The following EXOSC6 variants were observed in gnomAD, a reference collection of about 807,000 sequenced individuals.
The protein encoded by EXOSC6 is exosome complex component MTR3.
In EXOSC6, 21 loss-of-function variants were observed where a neutral mutation model predicts 16.7. That is an observed-to-expected ratio of 1.26 (90% CI 0.89 to 1.82). The LOEUF (loss-of-function observed/expected upper bound fraction) is 1.82, where lower values mean the gene tolerates loss of function less well. EXOSC6 is among the 40% of genes most tolerant of loss of function. The probability of loss-of-function intolerance (pLI) is 0.00; values close to 1 mark genes in which losing one functional copy is unlikely to be tolerated. For synonymous variants in EXOSC6, 297 were observed against 217.1 expected (o/e 1.37, Z -3.24); for missense variants, 538 against 415.7 (o/e 1.29, Z -2.56).
chr16:70,246,998 A>G lies in EXOSC6; in HGVS notation c.*4084T>C, dbSNP rs1959708336. ...GAAATGAGGAATTCACCCTAAAATT[A>G]GTGTGGAGAAAACAAGCAAATTAGG... On this transcript the variant is annotated 3_prime_UTR_variant, in exon 1 of 1. Transcript: ENST00000435634. 1.2e-5 allele frequency: 6 copies of G among 503,628 alleles called. No individual in the cohort carries two copies. The highest frequency in any genetic ancestry group is 1.1e-4 in the Admixed American group (5 of 46,262). The allele number at this position is 503,628 out of a possible 1,614,324, so 31.2% of individuals were successfully genotyped here. A position where few individuals can be genotyped will look rare whatever the true frequency, so the allele number is the denominator to read the frequency against.
Position 70,250,855 on chromosome 16 carries a change from A to T in EXOSC6, c.*227T>A. On this transcript the variant is annotated 3_prime_UTR_variant, in exon 1 of 1. Transcript: ENST00000435634. ...CCAGGTAATTTCAGGGTCCAGCTCC[A>T]CCACAAGCGCAGCTCCAGGGGCTGT... The T allele has an allele frequency of 2.2e-6, 1 of 463,810 alleles. No individual in the cohort carries two copies. Among genetic ancestry groups the T allele is most frequent in the Non-Finnish European group, 3.6e-6 (1 of 276,702 alleles). The allele number at this position is 463,810 out of a possible 1,614,324, so 28.7% of individuals were successfully genotyped here.
Position 70,247,969 on chromosome 16 carries a change from T to G in EXOSC6, c.*3113A>C, listed in dbSNP as rs762673192. The G allele has an allele frequency of 6.6e-6, 1 of 152,180 alleles. No individual in the cohort carries two copies. Among genetic ancestry groups the G allele is most frequent in the African/African-American group, 2.4e-5 (1 of 41,422 alleles). 9.4% of individuals were successfully genotyped at this position (152,180 alleles called of 1,614,324 possible). A position where few individuals can be genotyped will look rare whatever the true frequency, so the allele number is the denominator to read the frequency against. On this transcript the variant is annotated 3_prime_UTR_variant, in exon 1 of 1. Transcript: ENST00000435634. ...ACTCAGGAGGGTGAAGCATGAGAACTGCTTGAACCTGGGAGGCGGAGGTTG... is the reference window on the plus strand; with the variant it reads ...ACTCAGGAGGGTGAAGCATGAGAACGGCTTGAACCTGGGAGGCGGAGGTTG...
At position 70,251,627 on chromosome 16, in the gene EXOSC6, G is replaced by T. The variant is rs896304486; in HGVS notation, c.274C>A (p.Leu92Met). Residue 92 changes from leucine to methionine, a missense_variant, in exon 1 of 1, where the codon CTG becomes ATG. Transcript: ENST00000435634. ...AAGTCGCAGAGCAGGCGACCGCGCA[G>T]CGCGGCCGGGGCCTCGCCGCCTGCT... ...AGAGGEAPAA[L>M]RGRLLCDFRR... 1.8e-6 allele frequency: 2 copies of T among 1,083,786 alleles called. No individual in the cohort carries two copies. Among genetic ancestry groups the T allele is most frequent in the African/African-American group, 3.4e-5 (2 of 59,284 alleles). 67.1% of individuals were successfully genotyped at this position (1,083,786 alleles called of 1,614,324 possible). A position where few individuals can be genotyped will look rare whatever the true frequency, so the allele number is the denominator to read the frequency against.
Position 70,251,342 on chromosome 16 carries a change from G to A in EXOSC6, c.559C>T (p.Leu187Phe). The change falls in exon 1 of 1, where the codon CTC becomes TTC. Residue 187 changes from leucine (L) to phenylalanine (F), a missense_variant. By Grantham distance (22) the Leu-to-Phe change is conservative. Coordinates refer to ENST00000435634, the MANE Select transcript of EXOSC6 (RefSeq NM_058219.3). ...YDLVVGCGLS[L>F]APGPAPTWLL... The stretch of plus-strand genomic sequence containing the variant: ...CAGGTGGGCGCGGGCCCCGGCGCGA[G>A]GCTGAGGCCGCAGCCCACCACCAGG... The A allele has an allele frequency of 2.2e-6, 3 of 1,380,486 alleles. No homozygotes were observed. Among genetic ancestry groups the A allele is most frequent in the Non-Finnish European group, 2.8e-6 (3 of 1,073,250 alleles). 85.5% of individuals were successfully genotyped at this position (1,380,486 alleles called of 1,614,324 possible).
At position 70,250,864 on chromosome 16, in the gene EXOSC6, G is replaced by A. The variant is rs1959797954; in HGVS notation, c.*218C>T. 4.2e-6 allele frequency: 2 copies of A among 481,152 alleles called. No homozygotes were observed. Among genetic ancestry groups the A allele is most frequent in the Non-Finnish European group, 6.9e-6 (2 of 291,860 alleles). The allele number at this position is 481,152 out of a possible 1,614,324, so 29.8% of individuals were successfully genotyped here. A position where few individuals can be genotyped will look rare whatever the true frequency, so the allele number is the denominator to read the frequency against. ...TTCAGGGTCCAGCTCCACCACAAGC[G>A]CAGCTCCAGGGGCTGTTGAGTTTTG... On this transcript the variant is annotated 3_prime_UTR_variant, in exon 1 of 1. Transcript: ENST00000435634.
In EXOSC6 at chr16:70,251,697, G is replaced by C; in HGVS notation, c.204C>G (p.Gly68=). Reference sequence around the variant, plus strand: ...GCTCGCCGCCCTCGGCCTGTCGCGGGCCCGACACGGCACACAGCACCTTGG... The same window carrying C: ...GCTCGCCGCCCTCGGCCTGTCGCGGCCCCGACACGGCACACAGCACCTTGG... ...GGTKVLCAVS[G]PRQAEGGERG... The change falls in exon 1 of 1, where the codon GGC becomes GGG. Residue 68 remains glycine (G), a synonymous_variant. Coordinates refer to ENST00000435634, the MANE Select transcript of EXOSC6 (RefSeq NM_058219.3). 7.7e-7 allele frequency: 1 copy of C among 1,299,168 alleles called. No homozygotes were observed. The highest frequency in any genetic ancestry group is 9.7e-7 in the Non-Finnish European group (1 of 1,028,068). 80.5% of individuals were successfully genotyped at this position (1,299,168 alleles called of 1,614,324 possible).
Position 70,249,030 on chromosome 16 carries a change from A to C in EXOSC6, c.*2052T>G, listed in dbSNP as rs887955595. On this transcript the variant is annotated 3_prime_UTR_variant, in exon 1 of 1. Coordinates refer to ENST00000435634, the MANE Select transcript of EXOSC6 (RefSeq NM_058219.3). ...CAAAAACTGTAAAAAAAAAAAAAAA[A>C]AACCCTAATATCAGATATTCCAGAC... is the stretch of plus-strand genomic sequence containing the variant. 3.3e-5 allele frequency: 5 copies of C among 149,730 alleles called. No homozygotes were observed. Among genetic ancestry groups the C allele is most frequent in the Admixed American group, 6.6e-5 (1 of 15,082 alleles). 9.3% of individuals were successfully genotyped at this position (149,730 alleles called of 1,614,324 possible).
rs1415933460 is a variant in EXOSC6, at chr16:70,249,012, TG to T, written c.*2069del. ...ACCCAAAATAAAGCATATCAAAAAC[TG>T]TAAAAAAAAAAAAAAAAAACCCTAA... is the stretch of plus-strand genomic sequence containing the variant. On this transcript the variant is annotated 3_prime_UTR_variant, in exon 1 of 1. Coordinates refer to ENST00000435634, the MANE Select transcript of EXOSC6 (RefSeq NM_058219.3). The T allele has an allele frequency of 6.7e-4, 79 of 117,396 alleles. No homozygotes were observed. The East Asian group carries it at 0.018, about 27-fold the overall frequency. The allele number at this position is 117,396 out of a possible 1,614,324, so 7.3% of individuals were successfully genotyped here.
rs1421557703 is a variant in EXOSC6 at position 70,248,192 on chromosome 16, T to C, written c.*2890A>G. On this transcript the variant is annotated 3_prime_UTR_variant, in exon 1 of 1. Coordinates refer to ENST00000435634, the MANE Select transcript of EXOSC6 (RefSeq NM_058219.3). The stretch of plus-strand genomic sequence containing the variant: ...CAGAAATTTGAATATAGAACACATA[T>C]GTAATAAAATTCATTTTCTTAGGTA... 1 of 152,202 alleles carries C rather than the reference T, an allele frequency of 6.6e-6. No homozygotes were observed. The highest frequency in any genetic ancestry group is 2.4e-5 in the African/African-American group (1 of 41,456). The allele number at this position is 152,202 out of a possible 1,614,324, so 9.4% of individuals were successfully genotyped here.
At position 70,250,980 on chromosome 16, in the gene EXOSC6, C is replaced by A; in HGVS notation, c.*102G>T. The A allele has an allele frequency of 7.2e-7, 1 of 1,385,688 alleles. No homozygotes were observed. The highest frequency in any genetic ancestry group is 9.4e-7 in the Non-Finnish European group (1 of 1,065,704). 85.8% of individuals were successfully genotyped at this position (1,385,688 alleles called of 1,614,324 possible). ...AACCACAGTCATATCAGGGCCCTTC[C>A]AGGAATTCTCGACGCAAACTGGAGG... On this transcript the variant is annotated 3_prime_UTR_variant, in exon 1 of 1. Transcript: ENST00000435634.
rs895296969 is a variant in EXOSC6 at position 70,250,946 on chromosome 16, G to A, written c.*136C>T. ...ACCAAGTCCCACCATCTGGCAGTCAGGTCAGTCCAACCACAGTCATATCAG... is the reference window on the plus strand; with the variant it reads ...ACCAAGTCCCACCATCTGGCAGTCAAGTCAGTCCAACCACAGTCATATCAG... On this transcript the variant is annotated 3_prime_UTR_variant, in exon 1 of 1. Transcript: ENST00000435634. 7 of 1,156,852 alleles carry A rather than the reference G, an allele frequency of 6.1e-6. No homozygotes were observed. The highest frequency in any genetic ancestry group is 3.2e-4 in the Middle Eastern group (1 of 3,162). The allele number at this position is 1,156,852 out of a possible 1,614,324, so 71.7% of individuals were successfully genotyped here.
Position 70,251,583 on chromosome 16 carries a change from C to T in EXOSC6, c.318G>A (p.Ala106=). The change falls in exon 1 of 1, where the codon GCG becomes GCA. Residue 106 remains alanine (A), a synonymous_variant. Coordinates refer to ENST00000435634, the MANE Select transcript of EXOSC6 (RefSeq NM_058219.3). ...CCGGGGGAGCGCGGCGCCGGCGGCC[C>T]GCGAAGGGTGCGCGGCGGAAGTCGC... The part of the protein sequence containing the change: ...LLCDFRRAPF[A]GRRRRAPPGG... The T allele has an allele frequency of 1.8e-6, 2 of 1,091,042 alleles. No homozygotes were observed. Among genetic ancestry groups the T allele is most frequent in the East Asian group, 6.2e-5 (1 of 16,166 alleles). The allele number at this position is 1,091,042 out of a possible 1,614,324, so 67.6% of individuals were successfully genotyped here. A position where few individuals can be genotyped will look rare whatever the true frequency, so the allele number is the denominator to read the frequency against.
chr16:70,251,868 A>C lies in EXOSC6; in HGVS notation c.33T>G (p.Pro11=). Residue 11 remains proline, a synonymous_variant, in exon 1 of 1, where the codon CCT becomes CCG. Transcript: ENST00000435634. MPGDHRRIRG[P]EESQPPQLYA... is the part of the protein sequence containing the mutation. ...ACAGCTGCGGCGGCTGCGATTCTTC[A>C]GGGCCGCGGATGCGGCGGTGATCCC... is the stretch of plus-strand genomic sequence containing the variant. 2 of 1,550,794 alleles carry C rather than the reference A, an allele frequency of 1.3e-6. No individual in the cohort carries two copies. Among genetic ancestry groups the C allele is most frequent in the South Asian group, 1.2e-5 (1 of 86,734 alleles).
Position 70,251,020 on chromosome 16 carries a change from C to T in EXOSC6, c.*62G>A. ...CAAACTGGAGGCCGATGGCGCGGGT[C>T]TTTTCGTGGACGGCGGCAGCACGGT... On this transcript the variant is annotated 3_prime_UTR_variant, in exon 1 of 1. Transcript: ENST00000435634. The T allele has an allele frequency of 7.0e-7, 1 of 1,421,844 alleles. No individual in the cohort carries two copies. The highest frequency in any genetic ancestry group is 9.1e-7 in the Non-Finnish European group (1 of 1,093,834). The allele number at this position is 1,421,844 out of a possible 1,614,324, so 88.1% of individuals were successfully genotyped here.
rs772859029 is a variant in EXOSC6 at position 70,251,047 on chromosome 16, C to T, written c.*35G>A. ...TTTCGTGGACGGCGGCAGCACGGTC[C>T]TCGGCTTGCGTCCGTAGTTGCTCAG... On this transcript the variant is annotated 3_prime_UTR_variant, in exon 1 of 1. Coordinates refer to ENST00000435634, the MANE Select transcript of EXOSC6 (RefSeq NM_058219.3). 2 of 1,440,060 alleles carry T rather than the reference C, an allele frequency of 1.4e-6. No homozygotes were observed. The highest frequency in any genetic ancestry group is 1.8e-6 in the Non-Finnish European group (2 of 1,105,974). 89.2% of individuals were successfully genotyped at this position (1,440,060 alleles called of 1,614,324 possible).
rs570247550 is a variant in EXOSC6 at position 70,251,515 on chromosome 16, G to A, written c.386C>T (p.Ala129Val). ...ERELALALQEALEPAVRLGRY... is the reference protein window; with the variant it reads ...ERELALALQEVLEPAVRLGRY... ...GCCCAGGCGCACAGCCGGCTCCAGC[G>A]CCTCCTGCAGCGCCAGCGCCAGCTC... is the stretch of plus-strand genomic sequence containing the variant. Residue 129 changes from alanine to valine, a missense_variant, in exon 1 of 1, where the codon GCG (alanine) becomes GTG (valine). Physicochemically the swap from Ala to Val is moderately conservative, Grantham distance 64 (BLOSUM62 0). Transcript: ENST00000435634. 2 of 1,262,996 alleles carry A rather than the reference G, an allele frequency of 1.6e-6. No homozygotes were observed. Among genetic ancestry groups the A allele is most frequent in the Admixed American group, 3.7e-5 (1 of 27,328 alleles). 78.2% of individuals were successfully genotyped at this position (1,262,996 alleles called of 1,614,324 possible).
chr16:70,248,908 G>A lies in EXOSC6; in HGVS notation c.*2174C>T, dbSNP rs1959745505. 1 of 142,966 alleles carries A rather than the reference G, an allele frequency of 7.0e-6. No homozygotes were observed. Among genetic ancestry groups the A allele is most frequent in the Admixed American group, 7.3e-5 (1 of 13,646 alleles). The allele number at this position is 142,966 out of a possible 1,614,324, so 8.9% of individuals were successfully genotyped here. A position where few individuals can be genotyped will look rare whatever the true frequency, so the allele number is the denominator to read the frequency against. ...TGGGGTTACAGGAGTGAGCCACCATGCCCAGTTAAAAATACACTTTTTATT... is the reference window on the plus strand; with the variant it reads ...TGGGGTTACAGGAGTGAGCCACCATACCCAGTTAAAAATACACTTTTTATT... On this transcript the variant is annotated 3_prime_UTR_variant, in exon 1 of 1. Coordinates refer to ENST00000435634, the MANE Select transcript of EXOSC6 (RefSeq NM_058219.3).
rs1384599850 is a variant in EXOSC6 at position 70,249,457 on chromosome 16, T to C, written c.*1625A>G. Reference sequence around the variant, plus strand: ...TACACAAATATGAAATAAAACTAAGTAGAGCTGGTATTCATTTACACATAA... The same window carrying C: ...TACACAAATATGAAATAAAACTAAGCAGAGCTGGTATTCATTTACACATAA... On this transcript the variant is annotated 3_prime_UTR_variant, in exon 1 of 1. Transcript: ENST00000435634. 6.6e-6 allele frequency: 1 copy of C among 151,728 alleles called. No homozygotes were observed. Among genetic ancestry groups the C allele is most frequent in the Non-Finnish European group, 1.5e-5 (1 of 67,968 alleles). 9.4% of individuals were successfully genotyped at this position (151,728 alleles called of 1,614,324 possible).
Position 70,251,396 on chromosome 16 carries a change from G to A in EXOSC6, c.505C>T (p.Leu169=), listed in dbSNP as rs1253616708. ...AAALTAAALA[L]ADAGVEMYDL... ...TACATCTCCACGCCCGCGTCGGCCA[G>A]GGCGAGCGCGGCGGCGGTGAGCGCG... The change falls in exon 1 of 1, where the codon CTG becomes TTG. Residue 169 remains leucine (L), a synonymous_variant. Coordinates refer to ENST00000435634, the MANE Select transcript of EXOSC6 (RefSeq NM_058219.3). The A allele has an allele frequency of 6.0e-6, 8 of 1,344,222 alleles. No homozygotes were observed. The highest frequency in any genetic ancestry group is 1.9e-5 in the South Asian group (1 of 52,518). 83.3% of individuals were successfully genotyped at this position (1,344,222 alleles called of 1,614,324 possible).
Sources: gnomAD v4.1 joint callset for allele counts on GRCh38, gnomAD v4.1.1 for gene constraint, MANE v1.5 for transcripts, NCBI Gene and HGNC (gene_info 2026-07-23, HGNC 2026-07-21) for gene names.